The following TMEM132D variants were observed in gnomAD, a reference collection of about 807,000 sequenced individuals.
TMEM132D encodes the protein transmembrane protein 132D.
TMEM132D carries 21 observed loss-of-function variants against 62.3 expected under a neutral mutation model. The observed-to-expected ratio is 0.34, with a 90% CI of 0.24 to 0.49. TMEM132D has a LOEUF of 0.49. TMEM132D is among the 20% of genes least tolerant of loss of function. The probability of loss-of-function intolerance (pLI) is 0.99; values close to 1 mark genes in which losing one functional copy is unlikely to be tolerated. For missense variants in TMEM132D, 1,346 were observed against 1,402.8 expected (o/e 0.96, Z 0.65); for synonymous variants, 621 against 575.6 (o/e 1.08, Z -1.13).
chr12:129,672,085 A>C (rs1880513282), intron 2 of TMEM132D, among the ~76,000 whole-genome samples: 1 of 152,218 alleles, frequency 6.6e-6, no homozygotes. Context: ...GTGAAGACAG[A>C]TTCATTTCAT....
At chr12:129,167,418 C>T (rs1271654362) in intron 5 of TMEM132D, among the ~76,000 whole-genome samples, 1 of 152,120 alleles carries the variant, frequency 6.6e-6, no homozygotes, top group East Asian at 1.9e-4. Context: ...TAGCTGGCAC[C>T]TAAAACCAGA....
Position 129,371,291 on chromosome 12 carries a change from G to T in TMEM132D, c.1116-33474C>A, listed in dbSNP as rs1276458431. Among the ~76,000 whole-genome samples, 2 of 151,934 alleles carry T rather than the reference G, an allele frequency of 1.3e-5. No individual in the cohort carries two copies. Among genetic ancestry groups the T allele is most frequent in the African/African-American group, 4.8e-5 (2 of 41,424 alleles). On this transcript the variant is annotated intron_variant, in intron 3 of 8. Coordinates refer to ENST00000422113, the MANE Select transcript of TMEM132D (RefSeq NM_133448.3). The surrounding 1 kb of genome is among the most constrained non-coding windows in gnomAD (Gnocchi z 4.3). ...TGAAGGTGGTGTTGGTGACGATGAT[G>T]ATGATGATGGAGATAATGATGATGG...
rs187977305 is a variant in TMEM132D, at chr12:129,622,332, C to T, written c.968+77478G>A. ...CTGTAATCGGCACCGACAGTGGGCG[C>T]GTATGGGGCAGTCAGCACGCAGGAG... On this transcript the variant is annotated intron_variant, in intron 2 of 8. Coordinates refer to ENST00000422113, the MANE Select transcript of TMEM132D (RefSeq NM_133448.3). 7.2e-5 allele frequency among the ~76,000 whole-genome samples: 11 copies of T among 152,218 alleles called. No homozygotes were observed. The East Asian group carries it at 1.9e-3, about 27-fold the overall frequency.
intron 1 of TMEM132D, among the ~76,000 whole-genome samples, chr12:129,737,497 C>G (rs2137256821): frequency 6.6e-6 from 1 of 152,242 alleles, no homozygotes; most frequent in African/African-American, 2.4e-5. Context: ...TATAAATTGG[C>G]TAGACACAAA....
chr12:129,178,845 G>A (rs1324328044), intron 5 of TMEM132D, among the ~76,000 whole-genome samples: 1 of 152,156 alleles, frequency 6.6e-6, no homozygotes, highest in Non-Finnish European at 1.5e-5. Flanking sequence ...CTTGAACCTG[G>A]GTTTGGCCAG....
At chr12:129,456,396 T>C (rs934986374) in intron 3 of TMEM132D, among the ~76,000 whole-genome samples, 4 of 152,174 alleles carry the variant, frequency 2.6e-5, no homozygotes, top group Non-Finnish European at 4.4e-5. Flanking sequence ...GTTGAGTCTC[T>C]AGTTCTCCCA....
intron 4 of TMEM132D, among the ~76,000 whole-genome samples, chr12:129,248,043 C>G (rs958682056): frequency 2.0e-5 from 3 of 152,154 alleles, no homozygotes; most frequent in African/African-American, 7.2e-5. Context: ...TCATTGTTCT[C>G]TACCTCGATA....
chr12:129,633,152 C>A, intron 2 of TMEM132D, among the ~76,000 whole-genome samples: 1 of 152,176 alleles, frequency 6.6e-6, no homozygotes, highest in East Asian at 1.9e-4. Context: ...AAGCAAAATT[C>A]ATGTACAAAG....
intron 2 of TMEM132D, among the ~76,000 whole-genome samples, chr12:129,672,548 C>T (rs2137200839): frequency 6.6e-6 from 1 of 152,238 alleles, no homozygotes. Flanking sequence ...CCAAAGTTCC[C>T]CAGAGCCTGT....
intron 3 of TMEM132D, among the ~76,000 whole-genome samples, chr12:129,423,625 C>T (rs1352536020): frequency 1.3e-5 from 2 of 152,102 alleles, no homozygotes; most frequent in East Asian, 1.9e-4. Flanking sequence ...AGATGCTGTT[C>T]AGGTAGGCAT....
chr12:129,742,983 A>G (rs908015149), intron 1 of TMEM132D, among the ~76,000 whole-genome samples: 1 of 152,262 alleles, frequency 6.6e-6, no homozygotes, highest in African/African-American at 2.4e-5. Flanking sequence ...GTCTAAATTG[A>G]CTGAAGATCC....
chr12:129,833,916 G>A (rs1490266597), intron 1 of TMEM132D, among the ~76,000 whole-genome samples: 1 of 151,936 alleles, frequency 6.6e-6, no homozygotes, highest in Non-Finnish European at 1.5e-5. Context: ...TTTAATTCAA[G>A]CATGTCGCAT....
chr12:129,753,192 G>A (rs1374678709), intron 1 of TMEM132D, among the ~76,000 whole-genome samples: 3 of 152,210 alleles, frequency 2.0e-5, no homozygotes, highest in Non-Finnish European at 2.9e-5. Flanking sequence ...TGTTGGTGCA[G>A]CTATCCTGGG....
intron 5 of TMEM132D, among the ~76,000 whole-genome samples, chr12:129,108,971 C>G (rs1875591957): frequency 6.6e-6 from 1 of 152,188 alleles, no homozygotes; most frequent in Non-Finnish European, 1.5e-5. Context: ...TCTGTTTACC[C>G]CTCGATGCTC....
chr12:129,647,209 C>T (rs1879807101), intron 2 of TMEM132D, among the ~76,000 whole-genome samples: 1 of 147,514 alleles, frequency 6.8e-6, no homozygotes, highest in Non-Finnish European at 1.5e-5. Flanking sequence ...CATATTTCTG[C>T]AATGTGCATT....
At chr12:129,438,149 C>T (rs577496706) in intron 3 of TMEM132D, among the ~76,000 whole-genome samples, 1 of 152,220 alleles carries the variant, frequency 6.6e-6, no homozygotes, top group Admixed American at 6.5e-5. Context: ...CACTGATGGG[C>T]ATTTGGGTTG....
Position 129,382,788 on chromosome 12 carries a change from T to C in TMEM132D, c.1116-44971A>G, listed in dbSNP as rs1870988359. On this transcript the variant is annotated intron_variant, in intron 3 of 8. Coordinates refer to ENST00000422113, the MANE Select transcript of TMEM132D (RefSeq NM_133448.3). Reference sequence around the variant, plus strand: ...GAACACATGTTTAGACCCCAATCTATTGCACTGAGAGCCATATACCCAAAG... The same window carrying C: ...GAACACATGTTTAGACCCCAATCTACTGCACTGAGAGCCATATACCCAAAG... Among the ~76,000 whole-genome samples the C allele has an allele frequency of 1.3e-5, 2 of 152,292 alleles. 1 individual carries two copies. Among genetic ancestry groups the C allele is most frequent in the Admixed American group, 1.3e-4 (2 of 15,298 alleles).
chr12:129,092,303 C>CTTT (rs3045890), intron 5 of TMEM132D, among the ~76,000 whole-genome samples: 4,367 of 133,776 alleles, frequency 0.033, 184 homozygotes, highest in African/African-American at 0.072. Context: ...TCTCTCTTTC[C>CTTT]TTTTTTTTTT....
At chr12:129,685,620 T>A (rs922981195) in intron 2 of TMEM132D, among the ~76,000 whole-genome samples, 4 of 151,784 alleles carry the variant, frequency 2.6e-5, no homozygotes, top group African/African-American at 9.7e-5. Context: ...CCACACAGAG[T>A]CCCCACTGGG....
Sources: gnomAD v4.1 joint callset for allele counts (sites outside exome capture counted in the v4.1 genomes callset) on GRCh38, gnomAD v4.1.1 for gene constraint, Gnocchi (gnomAD v3.1) non-coding constraint, MANE v1.5 for transcripts, NCBI Gene and HGNC (gene_info 2026-07-23, HGNC 2026-07-21) for gene names.